Variants in IL2RA observed in about 807,000 individuals in gnomAD.
IL2RA encodes the protein interleukin-2 receptor subunit alpha.
A neutral mutation model predicts 37.8 loss-of-function variants in IL2RA; 24 were observed. That is an observed-to-expected ratio of 0.63 (90% confidence interval 0.46 to 0.89). IL2RA has a LOEUF of 0.89. Ranked by LOEUF, IL2RA falls within the 40% of genes least tolerant of loss-of-function variation. IL2RA has a pLI of 0.00. For synonymous variants in IL2RA, 125 were observed against 114.6 expected, an observed-to-expected ratio of 1.09 and a Z score of -0.58; for missense variants, 319 against 348.6, an observed-to-expected ratio of 0.92 and a Z score of 0.68.
intron 7 of IL2RA, among the ~76,000 whole-genome samples, chr10:6,013,832 A>T (rs963533009): frequency 5.1e-5 from 7 of 136,692 alleles, no homozygotes; most frequent in Admixed American, 7.4e-5. Flanking sequence ...AAATATTTTA[A>T]TTTTTTTTTT....
chr10:6,043,960 G>A (rs946536985), intron 1 of IL2RA, among the ~76,000 whole-genome samples: 2 of 152,196 alleles, frequency 1.3e-5, no homozygotes, highest in African/African-American at 4.8e-5. Flanking sequence ...CAAAGGAAGT[G>A]ATTAGTTCAG....
intron 1 of IL2RA, among the ~76,000 whole-genome samples, chr10:6,052,889 GC>G (rs12722500): frequency 0.51 from 77,005 of 151,744 alleles, 20,522 homozygotes; most frequent in Non-Finnish European, 0.59. Context: ...CTCTAAAGAT[GC>G]CCCCAAGCTG....
At position 6,019,865 on chromosome 10, in the gene IL2RA, C is replaced by T. The variant is rs758794746; in HGVS notation, c.655+5G>A. The T allele has an allele frequency of 1.1e-5, 17 of 1,613,748 alleles. No homozygotes were observed. In the Admixed American group the frequency reaches 1.3e-4, roughly 13 times the overall value. Reference sequence around the variant, plus strand: ...CTGTGGTCCAGCGTTTGTCTTCTCCCGCACCTGTTGTTGTGACGAGGCAGG... The same window carrying T: ...CTGTGGTCCAGCGTTTGTCTTCTCCTGCACCTGTTGTTGTGACGAGGCAGG... On this transcript the variant is annotated splice_donor_5th_base_variant and intron_variant, in intron 5 of 7. Transcript: ENST00000379959.
chr10:6,032,759 A>G (rs886067184), intron 1 of IL2RA, among the ~76,000 whole-genome samples: 2 of 152,172 alleles, frequency 1.3e-5, no homozygotes, highest in African/African-American at 4.8e-5. Context: ...TGCAATATAT[A>G]TATTTGTCAC....
chr10:6,017,657 C>G (rs1160834165), intron 7 of IL2RA, among the ~76,000 whole-genome samples: 2 of 144,730 alleles, frequency 1.4e-5, no homozygotes, highest in African/African-American at 2.6e-5. Flanking sequence ...TTCACTGCAA[C>G]CTCCGCCTCC....
rs541641490 is a variant in IL2RA at position 6,046,531 on chromosome 10, G to A, written c.64+15557C>T. ...AGGTTACGTGGTACCAAAAGCCCAT[G>A]CCTGTGCTCCAGGGACTGTTCTCAG... On this transcript the variant is annotated intron_variant, in intron 1 of 7. Transcript: ENST00000379959. This position sits in a 1 kb window ranked among gnomAD's most constrained non-coding sequence, Gnocchi z 4.8. Among the ~76,000 whole-genome samples the A allele has an allele frequency of 6.6e-6, 1 of 152,314 alleles. No individual in the cohort carries two copies. The highest frequency in any genetic ancestry group is 2.1e-4 in the South Asian group (1 of 4,824).
chr10:6,039,106 C>T (rs1235956808), intron 1 of IL2RA, among the ~76,000 whole-genome samples: 3 of 152,100 alleles, frequency 2.0e-5, no homozygotes, highest in Admixed American at 2.0e-4. Context: ...AGCATAAATG[C>T]TCCAAAAGTT....
chr10:6,025,797 T>C lies in IL2RA; in HGVS notation c.256+37A>G. On this transcript the variant is annotated intron_variant, in intron 2 of 7. Coordinates refer to ENST00000379959, the MANE Select transcript of IL2RA (RefSeq NM_000417.3). This position sits in a 1 kb window ranked among gnomAD's most constrained non-coding sequence, Gnocchi z 4.4. Reference sequence around the variant, plus strand: ...GGCTCTGTCTCACTCTTTGCTGCAGTTCTTTTGTTCTTGGTAGTCACAGAA... The same window carrying C: ...GGCTCTGTCTCACTCTTTGCTGCAGCTCTTTTGTTCTTGGTAGTCACAGAA... 1 of 1,600,908 alleles carries C rather than the reference T, an allele frequency of 6.2e-7. No homozygotes were observed. The highest frequency in any genetic ancestry group is 1.1e-5 in the South Asian group (1 of 90,762).
rs377051679 is a variant in IL2RA at position 6,019,855 on chromosome 10, T to G, written c.655+15A>C. ...GACTAGGCCTCTGTGGTCCAGCGTT[T>G]GTCTTCTCCCGCACCTGTTGTTGTG... is the stretch of plus-strand genomic sequence containing the variant. On this transcript the variant is annotated intron_variant, in intron 5 of 7. Transcript: ENST00000379959. 6.2e-6 allele frequency: 10 copies of G among 1,613,322 alleles called. No homozygotes were observed. The African/African-American group carries it at 1.3e-4, about 22-fold the overall frequency.
chr10:6,037,718 T>C (rs1839712903), intron 1 of IL2RA, among the ~76,000 whole-genome samples: 2 of 152,152 alleles, frequency 1.3e-5, no homozygotes, highest in Admixed American at 1.3e-4. Flanking sequence ...ACTGCCCCCC[T>C]GTGGCCCCTT....
chr10:6,025,317 G>A lies in IL2RA; in HGVS notation c.256+517C>T, dbSNP rs982202225. ...TGCAGTGATCTGAGATTGTACCACC[G>A]CACCCCAGCCTGGGCAACAGAGCGA... On this transcript the variant is annotated intron_variant, in intron 2 of 7. Coordinates refer to ENST00000379959, the MANE Select transcript of IL2RA (RefSeq NM_000417.3). This position sits in a 1 kb window ranked among gnomAD's most constrained non-coding sequence, Gnocchi z 4.4. Among the ~76,000 whole-genome samples, 3 of 151,920 alleles carry A rather than the reference G, an allele frequency of 2.0e-5. No homozygotes were observed. The highest frequency in any genetic ancestry group is 1.9e-4 in the East Asian group (1 of 5,162).
intron 1 of IL2RA, among the ~76,000 whole-genome samples, chr10:6,026,239 C>A (rs1316286931): frequency 6.6e-6 from 1 of 152,184 alleles, no homozygotes; most frequent in South Asian, 2.1e-4. Context: ...CCAAGCTCCT[C>A]TCCAAAGCAC....
Position 6,033,322 on chromosome 10 carries a change from CAAAAAA to C in IL2RA, c.65-7303_65-7298del, listed in dbSNP as rs111395910. Among the ~76,000 whole-genome samples, 1 of 146,548 alleles carries C rather than the reference CAAAAAA, an allele frequency of 6.8e-6. No individual in the cohort carries two copies. The highest frequency in any genetic ancestry group is 2.5e-5 in the African/African-American group (1 of 40,042). Reference sequence around the variant, plus strand: ...AAACAAAGAAACAAACAAACAACAACAAAAAAAAAACAAAAAAAGAAAGTATTTTTA... The same window carrying C: ...AAACAAAGAAACAAACAAACAACAACAAAACAAAAAAAGAAAGTATTTTTA... On this transcript the variant is annotated intron_variant, in intron 1 of 7. Transcript: ENST00000379959. The surrounding 1 kb of genome is among the most constrained non-coding windows in gnomAD (Gnocchi z 4.3).
At chr10:6,027,334 A>T (rs1222639589) in intron 1 of IL2RA, among the ~76,000 whole-genome samples, 9 of 152,168 alleles carry the variant, frequency 5.9e-5, no homozygotes, top group East Asian at 1.9e-4. Flanking sequence ...TCAAAAAAAA[A>T]AACGAAGATA....
At chr10:6,024,801 T>C (rs1315590382) in intron 2 of IL2RA, among the ~76,000 whole-genome samples, 1 of 152,214 alleles carries the variant, frequency 6.6e-6, no homozygotes, top group Non-Finnish European at 1.5e-5. Flanking sequence ...TTCAGAATGC[T>C]TGAAGTTAGA....
At chr10:6,061,451 G>A (rs999008271) in intron 1 of IL2RA, among the ~76,000 whole-genome samples, 33 of 151,936 alleles carry the variant, frequency 2.2e-4, no homozygotes, top group Non-Finnish European at 4.4e-4. Flanking sequence ...ATATAAACAC[G>A]TATACATATA....
intron 1 of IL2RA, among the ~76,000 whole-genome samples, chr10:6,050,448 C>T (rs1839932032): frequency 6.6e-6 from 1 of 152,096 alleles, no homozygotes; most frequent in East Asian, 1.9e-4. Flanking sequence ...ACCAGCCTGG[C>T]CAACATGGTC....
chr10:6,046,432 G>A lies in IL2RA; in HGVS notation c.64+15656C>T, dbSNP rs1202480869. On this transcript the variant is annotated intron_variant, in intron 1 of 7. Transcript: ENST00000379959. This position sits in a 1 kb window ranked among gnomAD's most constrained non-coding sequence, Gnocchi z 4.8. Reference sequence around the variant, plus strand: ...GTTCACAGATGCTACCCCAGACATCGGGTAAGACAATGACATTTCAGGCAC... The same window carrying A: ...GTTCACAGATGCTACCCCAGACATCAGGTAAGACAATGACATTTCAGGCAC... Among the ~76,000 whole-genome samples the A allele has an allele frequency of 1.3e-5, 2 of 152,258 alleles. No homozygotes were observed. The highest frequency in any genetic ancestry group is 2.1e-4 in the South Asian group (1 of 4,826).
chr10:6,050,046 G>A (rs1243444387), intron 1 of IL2RA, among the ~76,000 whole-genome samples: 3 of 152,176 alleles, frequency 2.0e-5, no homozygotes, highest in Non-Finnish European at 4.4e-5. Context: ...CATGTTGTGT[G>A]CCAGGCAGAG....
Sources: allele counts gnomAD v4.1 joint callset (sites outside exome capture counted in the v4.1 genomes callset), GRCh38; gene constraint gnomAD v4.1.1; non-coding constraint Gnocchi (gnomAD v3.1); transcripts MANE v1.5; gene names NCBI Gene and HGNC (gene_info 2026-07-23, HGNC 2026-07-21).